The following CNTNAP2 variants were observed in gnomAD, a reference collection of about 807,000 sequenced individuals.
CNTNAP2 encodes the protein contactin-associated protein-like 2.
CNTNAP2 carries 98 observed loss-of-function variants against 155.2 expected under a neutral mutation model. The ratio of observed to expected loss-of-function variants is 0.63; its 90% confidence interval spans 0.54 to 0.75. The LOEUF (loss-of-function observed/expected upper bound fraction) is 0.75. Among genes scored for constraint, CNTNAP2 ranks in the 30% least tolerant of loss-of-function variants. The pLI, the probability that CNTNAP2 is intolerant of heterozygous loss-of-function variation, is 0.00. For synonymous variants in CNTNAP2, 651 were observed against 631.2 expected (o/e 1.03, Z -0.47); for missense variants, 1,727 against 1,688.1 (o/e 1.02, Z -0.40).
chr7:146,578,292 T>C (rs927367774), intron 1 of CNTNAP2, among the ~76,000 whole-genome samples: 16 of 152,254 alleles, frequency 1.1e-4, no homozygotes, highest in South Asian at 4.1e-4. Flanking sequence ...CTCCAAGTGT[T>C]AATTAGTGAG....
chr7:147,687,396 G>C (rs1039822872), intron 13 of CNTNAP2, among the ~76,000 whole-genome samples: 9 of 152,124 alleles, frequency 5.9e-5, no homozygotes, highest in Admixed American at 1.3e-4. Context: ...GAAGGCTTTG[G>C]GATATTTTTT....
At chr7:148,336,541 G>GAGGAAA (rs1335195716) in intron 21 of CNTNAP2, among the ~76,000 whole-genome samples, 9 of 11,824 alleles carry the variant, frequency 7.6e-4, no homozygotes, top group Non-Finnish European at 1.4e-3. Flanking sequence ...CTGTTTGGTT[G>GAGGAAA]ATGAAAAAGA....
chr7:147,728,779 C>A (rs1796686556), intron 13 of CNTNAP2, among the ~76,000 whole-genome samples: 1 of 151,784 alleles, frequency 6.6e-6, no homozygotes, highest in Non-Finnish European at 1.5e-5. Flanking sequence ...AAAGTGATTT[C>A]TTTTAGTTTT....
intron 16 of CNTNAP2, among the ~76,000 whole-genome samples, chr7:148,121,045 TA>T (rs1355008332): frequency 2.0e-5 from 3 of 152,130 alleles, no homozygotes; most frequent in Admixed American, 6.5e-5. Context: ...AATTTTTTTT[TA>T]TTTTTTTTTA....
intron 3 of CNTNAP2, among the ~76,000 whole-genome samples, chr7:146,858,173 A>G (rs1795029953): frequency 6.6e-6 from 1 of 152,220 alleles, no homozygotes; most frequent in South Asian, 2.1e-4. Context: ...TCTGAGGAGG[A>G]CATGAAGGTT....
intron 1 of CNTNAP2, among the ~76,000 whole-genome samples, chr7:146,650,341 A>G (rs922124687): frequency 2.0e-5 from 3 of 152,134 alleles, no homozygotes; most frequent in African/African-American, 7.2e-5. Context: ...TGGCATATAT[A>G]CCCTATGGAA....
chr7:147,329,333 C>T (rs1795515646), intron 9 of CNTNAP2, among the ~76,000 whole-genome samples: 2 of 151,748 alleles, frequency 1.3e-5, no homozygotes, highest in South Asian at 4.2e-4. Context: ...TTTATATATA[C>T]AGTATTAAAA....
intron 1 of CNTNAP2, among the ~76,000 whole-genome samples, chr7:146,414,873 A>C (rs1212299788): frequency 6.6e-6 from 1 of 152,116 alleles, no homozygotes; most frequent in Non-Finnish European, 1.5e-5. Flanking sequence ...AAAAGCCTTT[A>C]TTCTGCTGCT....
intron 9 of CNTNAP2, among the ~76,000 whole-genome samples, chr7:147,338,064 T>C (rs1223785475): frequency 3.3e-5 from 5 of 152,218 alleles, no homozygotes; most frequent in Admixed American, 2.6e-4. Flanking sequence ...TATAAGGAAA[T>C]ACCTGAGACT....
In CNTNAP2 at chr7:148,415,692, T is replaced by A; in HGVS notation, c.*76T>A. 2.0e-6 allele frequency: 3 copies of A among 1,533,992 alleles called. No individual in the cohort carries two copies. The South Asian group carries it at 3.4e-5, about 17-fold the overall frequency. ...GAGAAAGGGACAAAAGCACCCTGCT[T>A]CATACTCTTGAGCACATCCTTAAAA... On this transcript the variant is annotated 3_prime_UTR_variant, in exon 24 of 24. Transcript: ENST00000361727.
chr7:148,300,713 A>T (rs1797371062), intron 21 of CNTNAP2, among the ~76,000 whole-genome samples: 1 of 152,202 alleles, frequency 6.6e-6, no homozygotes, highest in Non-Finnish European at 1.5e-5. Context: ...TGTGGTCTAT[A>T]CGTACAACAT....
intron 21 of CNTNAP2, among the ~76,000 whole-genome samples, chr7:148,283,271 GA>G (rs1554411745): frequency 1.4e-5 from 1 of 70,312 alleles, no homozygotes; most frequent in African/African-American, 7.0e-5. Flanking sequence ...AAGAAAGAAA[GA>G]AAGAAAGAAA....
In CNTNAP2 at chr7:147,549,504, A is replaced by T. The variant is rs1462596368; in HGVS notation, c.1778-12634A>T. Among the ~76,000 whole-genome samples, 4 of 152,184 alleles carry T rather than the reference A, an allele frequency of 2.6e-5. No individual in the cohort carries two copies. In the East Asian group the frequency reaches 7.7e-4, roughly 29 times the overall value. ...ATCAGTTCAAGATGTTTTGGGGCTG[A>T]GATGATGGGGTTTTCTAAATATAAA... On this transcript the variant is annotated intron_variant, in intron 11 of 23. Coordinates refer to ENST00000361727, the MANE Select transcript of CNTNAP2 (RefSeq NM_014141.6).
intron 1 of CNTNAP2, among the ~76,000 whole-genome samples, chr7:146,685,611 T>C (rs1387668049): frequency 6.6e-6 from 1 of 152,128 alleles, no homozygotes; most frequent in Non-Finnish European, 1.5e-5. Flanking sequence ...AAATAAGTGC[T>C]GAATAAAGTT....
At chr7:148,370,554 G>A (rs1798867833) in intron 21 of CNTNAP2, among the ~76,000 whole-genome samples, 1 of 152,170 alleles carries the variant, frequency 6.6e-6, no homozygotes, top group African/African-American at 2.4e-5. Flanking sequence ...AGGGTGAAGT[G>A]AGGCAGCCTT....
intron 1 of CNTNAP2, among the ~76,000 whole-genome samples, chr7:146,272,069 G>A (rs1318257971): frequency 6.6e-6 from 1 of 152,038 alleles, no homozygotes; most frequent in East Asian, 1.9e-4. Flanking sequence ...CTGCTAATAA[G>A]GCCATACCCA....
intron 10 of CNTNAP2, among the ~76,000 whole-genome samples, chr7:147,405,940 G>A (rs78667762): frequency 3.9e-4 from 60 of 152,264 alleles, no homozygotes; most frequent in African/African-American, 1.3e-3. Context: ...AAGTCTTTGG[G>A]TGAACTCACA....
At chr7:147,972,752 CT>C (rs1184601242) in intron 14 of CNTNAP2, among the ~76,000 whole-genome samples, 12 of 152,180 alleles carry the variant, frequency 7.9e-5, no homozygotes, top group African/African-American at 2.9e-4. Flanking sequence ...TAAATAGTTA[CT>C]GAATATCTCC....
intron 3 of CNTNAP2, among the ~76,000 whole-genome samples, chr7:147,001,878 T>C (rs886854616): frequency 2.0e-5 from 3 of 151,988 alleles, no homozygotes; most frequent in Non-Finnish European, 4.4e-5. Flanking sequence ...AAAAAATTAA[T>C]ATTTTTAGAT....
Sources: gnomAD v4.1 joint callset for allele counts (sites outside exome capture counted in the v4.1 genomes callset) on GRCh38, gnomAD v4.1.1 for gene constraint, MANE v1.5 for transcripts, NCBI Gene and HGNC (gene_info 2026-07-23, HGNC 2026-07-21) for gene names.